The following KIAA1958 variants were observed in gnomAD, a reference collection of about 807,000 sequenced individuals.
KIAA1958 encodes KIAA1958, also known as uncharacterized protein KIAA1958.
A neutral mutation model predicts 47.2 loss-of-function variants in KIAA1958; 14 were observed. That is an observed-to-expected ratio of 0.30 (90% CI 0.20 to 0.46). The LOEUF is 0.46. Among genes scored for constraint, KIAA1958 ranks in the 20% least tolerant of loss-of-function variants. The pLI is 1.00. For missense variants in KIAA1958, 803 were observed against 909.2 expected, an observed-to-expected ratio of 0.88 and a Z score of 1.50; for synonymous variants, 354 against 353.3, an observed-to-expected ratio of 1.00 and a Z score of -0.02.
chr9:112,610,998 C>T (rs567561650), intron 2 of KIAA1958, among the ~76,000 whole-genome samples: 4 of 152,042 alleles, frequency 2.6e-5, no homozygotes, highest in Non-Finnish European at 5.9e-5. Context: ...ATGCTGAAAA[C>T]CCATTTGATA....
At chr9:112,560,203 T>TC (rs1398617819) in intron 1 of KIAA1958, among the ~76,000 whole-genome samples, 90 of 123,234 alleles carry the variant, frequency 7.3e-4, no homozygotes, top group African/African-American at 2.4e-3. Flanking sequence ...TTTTTCTTTT[T>TC]TTTTCTTTTT....
At position 112,546,484 on chromosome 9, in the gene KIAA1958, C is replaced by CT. The variant is rs978633563; in HGVS notation, c.-24-27563dup. ...AGCTGCCACTCTTTTATTCCTTTGC[C>CT]TTTTTTTTTTGAGACAGAGTCTCAC... On this transcript the variant is annotated intron_variant, in intron 1 of 3. Transcript: ENST00000337530. 4.7e-4 allele frequency among the ~76,000 whole-genome samples: 70 copies of CT among 148,622 alleles called. No homozygotes were observed. In the East Asian group the frequency reaches 6.1e-3, roughly 13 times the overall value.
chr9:112,522,801 C>G (rs1704299126), intron 1 of KIAA1958, among the ~76,000 whole-genome samples: 1 of 152,214 alleles, frequency 6.6e-6, no homozygotes, highest in South Asian at 2.1e-4. Flanking sequence ...TTGAGAAGGT[C>G]TCAGCTCAGT....
chr9:112,527,118 G>C (rs1834671529), intron 1 of KIAA1958, among the ~76,000 whole-genome samples: 1 of 151,922 alleles, frequency 6.6e-6, no homozygotes, highest in Non-Finnish European at 1.5e-5. Flanking sequence ...TTAGAGATAG[G>C]GTTACTCTGT....
intron 1 of KIAA1958, among the ~76,000 whole-genome samples, chr9:112,545,527 TATGAA>T (rs2051193638): frequency 1.3e-5 from 2 of 152,204 alleles, no homozygotes; most frequent in South Asian, 2.1e-4. Flanking sequence ...TTTTTGAACA[TATGAA>T]ATGATCATAT....
chr9:112,626,086 A>G (rs1836604672), intron 2 of KIAA1958, among the ~76,000 whole-genome samples: 1 of 152,204 alleles, frequency 6.6e-6, no homozygotes, highest in South Asian at 2.1e-4. Flanking sequence ...AGTCAAAAGG[A>G]TCAAATTTCT....
chr9:112,566,480 G>C (rs746450637), intron 1 of KIAA1958, among the ~76,000 whole-genome samples: 21 of 151,882 alleles, frequency 1.4e-4, no homozygotes, highest in Admixed American at 5.2e-4. Flanking sequence ...TCCAAATATT[G>C]TGCCATAAAT....
intron 1 of KIAA1958, among the ~76,000 whole-genome samples, chr9:112,530,051 G>A (rs1460072471): frequency 6.6e-6 from 1 of 152,104 alleles, no homozygotes; most frequent in African/African-American, 2.4e-5. Flanking sequence ...CACCGTGTTA[G>A]CCAGGATGGT....
At chr9:112,614,360 G>GA (rs1265296942) in intron 2 of KIAA1958, among the ~76,000 whole-genome samples, 1 of 152,018 alleles carries the variant, frequency 6.6e-6, no homozygotes, top group East Asian at 1.9e-4. Context: ...TTCAATTTGT[G>GA]AAAATTAATC....
At chr9:112,522,216 C>T (rs1834556739) in intron 1 of KIAA1958, among the ~76,000 whole-genome samples, 1 of 152,298 alleles carries the variant, frequency 6.6e-6, no homozygotes, top group African/African-American at 2.4e-5. Context: ...GGTGATTCAC[C>T]CGCCTCGGCC....
chr9:112,607,569 C>A (rs1402603122), intron 2 of KIAA1958, among the ~76,000 whole-genome samples: 1 of 151,906 alleles, frequency 6.6e-6, no homozygotes, highest in Non-Finnish European at 1.5e-5. Flanking sequence ...CACTTGCCAA[C>A]TTTGAGGGAA....
At chr9:112,608,204 CTA>C (rs1474462039) in intron 2 of KIAA1958, among the ~76,000 whole-genome samples, 2 of 152,076 alleles carry the variant, frequency 1.3e-5, no homozygotes, top group East Asian at 3.9e-4. Context: ...GAAGAAATGT[CTA>C]ATTGTTAAAA....
intron 2 of KIAA1958, among the ~76,000 whole-genome samples, chr9:112,578,298 A>G (rs191322713): frequency 6.6e-6 from 1 of 152,302 alleles, no homozygotes; most frequent in Non-Finnish European, 1.5e-5. Context: ...TAAAAAATTT[A>G]GAATCTAGCA....
chr9:112,629,231 A>T (rs1588046512), intron 2 of KIAA1958, among the ~76,000 whole-genome samples: 1 of 152,268 alleles, frequency 6.6e-6, no homozygotes, highest in Middle Eastern at 3.4e-3. Flanking sequence ...TACTTAGAGA[A>T]AATTGTTTCA....
chr9:112,567,591 C>T (rs1835447415), intron 1 of KIAA1958, among the ~76,000 whole-genome samples: 2 of 152,272 alleles, frequency 1.3e-5, no homozygotes, highest in East Asian at 1.9e-4. Context: ...AAAGAAACAA[C>T]CACGAGCACC....
chr9:112,522,719 A>T (rs1834570632), intron 1 of KIAA1958, among the ~76,000 whole-genome samples: 1 of 152,188 alleles, frequency 6.6e-6, no homozygotes. Flanking sequence ...CCTTGGTTAT[A>T]GTCAAAAAGC....
intron 1 of KIAA1958, among the ~76,000 whole-genome samples, chr9:112,563,380 A>C (rs1835372082): frequency 6.6e-6 from 1 of 152,080 alleles, no homozygotes; most frequent in African/African-American, 2.4e-5. Flanking sequence ...CTTTCTGTTT[A>C]TTTAGGTCAT....
chr9:112,505,300 C>T (rs2132770446), intron 1 of KIAA1958, among the ~76,000 whole-genome samples: 1 of 152,296 alleles, frequency 6.6e-6, no homozygotes, highest in South Asian at 2.1e-4. Context: ...GGCTTTGAAT[C>T]CTGTTTCTGG....
intron 1 of KIAA1958, among the ~76,000 whole-genome samples, chr9:112,570,300 C>T (rs1223100990): frequency 6.6e-6 from 1 of 152,146 alleles, no homozygotes; most frequent in Non-Finnish European, 1.5e-5. Context: ...TGAATGGAAG[C>T]ATGGTGCTAT....
Sources: allele counts gnomAD v4.1 joint callset (sites outside exome capture counted in the v4.1 genomes callset), GRCh38; gene constraint gnomAD v4.1.1; transcripts MANE v1.5; gene names NCBI Gene and HGNC (gene_info 2026-07-23, HGNC 2026-07-21).